ANO10: variants seen among roughly 807,000 people sequenced by gnomAD.
ANO10 encodes anoctamin-10.
A neutral mutation model predicts 74.7 loss-of-function variants in ANO10; 77 were observed. The observed-to-expected ratio is 1.03, with a 90% CI of 0.86 to 1.25. ANO10 has a LOEUF of 1.25. Ranked by LOEUF, ANO10 falls within the 50% of genes most tolerant of loss-of-function variation. The probability of loss-of-function intolerance (pLI) is 0.00; values close to 1 mark genes in which losing one functional copy is unlikely to be tolerated. For missense variants in ANO10, 721 were observed against 778.1 expected, an observed-to-expected ratio of 0.93 and a Z score of 0.87; for synonymous variants, 279 against 284.9, an observed-to-expected ratio of 0.98 and a Z score of 0.21.
intron 11 of ANO10, among the ~76,000 whole-genome samples, chr3:43,515,306 C>A (rs1333412570): frequency 6.6e-6 from 1 of 152,198 alleles, no homozygotes; most frequent in Non-Finnish European, 1.5e-5. Flanking sequence ...TGAGCCTCAT[C>A]CAATCCACTG....
chr3:43,617,029 A>G (rs911819302), intron 1 of ANO10, among the ~76,000 whole-genome samples: 6 of 151,388 alleles, frequency 4.0e-5, no homozygotes, highest in Admixed American at 1.3e-4. Context: ...AGCTGGCTCA[A>G]TGACGTAAAT....
chr3:43,496,983 T>C (rs1040975036), intron 11 of ANO10, among the ~76,000 whole-genome samples: 7 of 152,168 alleles, frequency 4.6e-5, no homozygotes, highest in Non-Finnish European at 1.0e-4. Flanking sequence ...ATATACTGCA[T>C]CCTTAAAGAC....
intron 12 of ANO10, among the ~76,000 whole-genome samples, chr3:43,383,999 C>T (rs746389150): frequency 3.9e-5 from 6 of 152,108 alleles, no homozygotes; most frequent in Admixed American, 1.3e-4. Context: ...GCTGATGACA[C>T]GATCATATAC....
chr3:43,600,323 T>C, intron 3 of ANO10, 61 bp downstream of exon 3: 1 of 1,586,972 alleles, frequency 6.3e-7, no homozygotes. Flanking sequence ...CCCTGATCTA[T>C]TCATCATAAA....
At chr3:43,656,119 A>G (rs1333778243) in intron 1 of ANO10, among the ~76,000 whole-genome samples, 32 of 138,872 alleles carry the variant, frequency 2.3e-4, no homozygotes, top group South Asian at 9.8e-4. Context: ...TAGATACAGA[A>G]TGCCAACTGG....
intron 1 of ANO10, among the ~76,000 whole-genome samples, chr3:43,607,743 T>G (rs2082630349): frequency 6.6e-6 from 1 of 152,150 alleles, no homozygotes; most frequent in African/African-American, 2.4e-5. Flanking sequence ...TGAAAGGACT[T>G]TAAAATAATG....
intron 7 of ANO10, among the ~76,000 whole-genome samples, chr3:43,566,838 A>T (rs1269025976): frequency 1.3e-5 from 2 of 152,256 alleles, no homozygotes; most frequent in Non-Finnish European, 2.9e-5. Flanking sequence ...ATGGAGAATA[A>T]CTTTGACGAG....
chr3:43,592,385 C>G (rs1446078774), intron 4 of ANO10, among the ~76,000 whole-genome samples: 2 of 152,150 alleles, frequency 1.3e-5, no homozygotes, highest in Non-Finnish European at 2.9e-5. Context: ...GCTGGGTGCC[C>G]CTCTGAGACA....
intron 1 of ANO10, among the ~76,000 whole-genome samples, chr3:43,660,646 G>A (rs2083915230): frequency 6.6e-6 from 1 of 152,184 alleles, no homozygotes; most frequent in South Asian, 2.1e-4. Context: ...GTGTTAGGGA[G>A]AACGGAACCA....
intron 12 of ANO10, among the ~76,000 whole-genome samples, chr3:43,376,290 T>A (rs562531511): frequency 2.0e-5 from 3 of 152,204 alleles, no homozygotes; most frequent in Non-Finnish European, 4.4e-5. Flanking sequence ...AAAGGCTGAA[T>A]TGAATGGACG....
In ANO10 at chr3:43,598,544, C is replaced by T; in HGVS notation, c.460G>A (p.Gly154Arg). The T allele has an allele frequency of 6.2e-7, 1 of 1,612,962 alleles. No homozygotes were observed. The highest frequency in any genetic ancestry group is 8.5e-7 in the Non-Finnish European group (1 of 1,179,602). ...PGYPQAKLYP[G>R]KSLLRRLLTS... Reference sequence around the variant, plus strand: ...CATAATGACTTACACAATGATTTTCCTGGATACAACTTTGCCTGAGGGTAA... The same window carrying T: ...CATAATGACTTACACAATGATTTTCTTGGATACAACTTTGCCTGAGGGTAA... Residue 154 changes from glycine to arginine, a missense_variant, in exon 4 of 13, where the codon GGA becomes AGA. Coordinates refer to ENST00000292246, the MANE Select transcript of ANO10 (RefSeq NM_018075.5).
At chr3:43,446,092 T>C (rs1435464633) in intron 11 of ANO10, among the ~76,000 whole-genome samples, 3 of 152,000 alleles carry the variant, frequency 2.0e-5, no homozygotes, top group African/African-American at 7.3e-5. Flanking sequence ...ATTCTTAGAG[T>C]GGGTGATCAC....
At chr3:43,659,871 A>G (rs1439661926) in intron 1 of ANO10, among the ~76,000 whole-genome samples, 4 of 152,140 alleles carry the variant, frequency 2.6e-5, no homozygotes, top group Admixed American at 1.3e-4. Context: ...TCTGGGACAA[A>G]GCTTTAAGAG....
chr3:43,549,993 A>G, intron 10 of ANO10, 145 bp from the exon 11 acceptor site: 2 of 963,758 alleles, frequency 2.1e-6, no homozygotes, highest in South Asian at 3.4e-5. Context: ...TTTCTCTGTC[A>G]TGGTATGATT....
chr3:43,381,744 T>C (rs143940076), intron 12 of ANO10, among the ~76,000 whole-genome samples: 21 of 152,312 alleles, frequency 1.4e-4, no homozygotes, highest in African/African-American at 4.8e-4. Flanking sequence ...CAGAACATTC[T>C]ACTCACAACT....
At chr3:43,585,096 A>G (rs537485732) in intron 4 of ANO10, among the ~76,000 whole-genome samples, 1 of 152,358 alleles carries the variant, frequency 6.6e-6, no homozygotes, top group South Asian at 2.1e-4. Flanking sequence ...AATAGGTCAT[A>G]GTTTTAATTA....
intron 11 of ANO10, among the ~76,000 whole-genome samples, chr3:43,500,731 A>C (rs943999558): frequency 2.0e-5 from 3 of 152,252 alleles, no homozygotes; most frequent in African/African-American, 7.2e-5. Flanking sequence ...GTGACACTTT[A>C]GTGCACAAAC....
chr3:43,484,935 A>G, intron 11 of ANO10: 1 of 806,934 alleles, frequency 1.2e-6, no homozygotes, highest in Non-Finnish European at 1.9e-6. Flanking sequence ...GGCGTTCCTG[A>G]GTTTATTTGG....
intron 11 of ANO10, among the ~76,000 whole-genome samples, chr3:43,511,693 T>G (rs866043815): frequency 3.3e-5 from 5 of 152,132 alleles, no homozygotes; most frequent in Middle Eastern, 3.4e-3. Context: ...GATCAGAGAG[T>G]CATGTCTGTA....
Sources: gnomAD v4.1 joint callset for allele counts (sites outside exome capture counted in the v4.1 genomes callset) on GRCh38, gnomAD v4.1.1 for gene constraint, MANE v1.5 for transcripts, NCBI Gene and HGNC (gene_info 2026-07-23, HGNC 2026-07-21) for gene names.